SLC6A9: variants seen among roughly 807,000 people sequenced by gnomAD.
The protein encoded by SLC6A9 is sodium- and chloride-dependent glycine transporter 1.
SLC6A9 carries 31 observed loss-of-function variants against 70.9 expected under a neutral mutation model. The ratio of observed to expected loss-of-function variants is 0.44; its 90% CI spans 0.33 to 0.59. The LOEUF (loss-of-function observed/expected upper bound fraction) is 0.59, where lower values mean the gene tolerates loss of function less well. SLC6A9 is among the 20% of genes least tolerant of loss of function. The pLI, the probability that SLC6A9 is intolerant of heterozygous loss-of-function variation, is 0.04. For synonymous variants in SLC6A9, 310 were observed against 341.3 expected (o/e 0.91, Z 1.01); for missense variants, 631 against 845.2 (o/e 0.75, Z 3.14).
At chr1:44,003,474 T>C (rs1415832573) in intron 5 of SLC6A9, among the ~76,000 whole-genome samples, 1 of 152,216 alleles carries the variant, frequency 6.6e-6, no homozygotes, top group East Asian at 1.9e-4. Flanking sequence ...GATTGGACCC[T>C]GGCTGGGTGT....
chr1:44,024,407 C>T (rs568685502), intron 1 of SLC6A9, 45 bp from the exon 2 acceptor site: 1 of 1,170,024 alleles, frequency 8.5e-7, no homozygotes, highest in East Asian at 2.3e-5. Flanking sequence ...GCCGTGTGGC[C>T]CACAGGGCTC....
intron 2 of SLC6A9, among the ~76,000 whole-genome samples, chr1:44,021,234 C>T (rs965957757): frequency 6.6e-6 from 1 of 152,134 alleles, no homozygotes; most frequent in Non-Finnish European, 1.5e-5. Context: ...CCCCTAGTGC[C>T]CCCAAGCATC....
Position 44,002,842 on chromosome 1 carries a change from G to A in SLC6A9, c.723+11C>T, listed in dbSNP as rs2086170177. On this transcript the variant is annotated intron_variant, in intron 6 of 13. Transcript: ENST00000372310. This position sits in a 1 kb window ranked among gnomAD's most constrained non-coding sequence, Gnocchi z 5.5. ...GGGTGGGCACAGACCCTGCTGGGGA[G>A]GGGTACTTGCTTTCCCTGAAGACTT... 2 of 1,613,996 alleles carry A rather than the reference G, an allele frequency of 1.2e-6. No homozygotes were observed. Among genetic ancestry groups the A allele is most frequent in the Non-Finnish European group, 1.7e-6 (2 of 1,179,964 alleles).
At position 44,002,820 on chromosome 1, in the gene SLC6A9, T is replaced by G. The variant is rs772017602; in HGVS notation, c.723+33A>C. The stretch of plus-strand genomic sequence containing the variant: ...AGGTAGGGGGCAGGGTCTTTCTGGG[T>G]GGGCACAGACCCTGCTGGGGAGGGG... On this transcript the variant is annotated intron_variant, in intron 6 of 13. Coordinates refer to ENST00000372310, the MANE Select transcript of SLC6A9 (RefSeq NM_001024845.3). The surrounding 1 kb of genome is among the most constrained non-coding windows in gnomAD (Gnocchi z 5.5). 1 of 1,612,942 alleles carries G rather than the reference T, an allele frequency of 6.2e-7. No individual in the cohort carries two copies. Among genetic ancestry groups the G allele is most frequent in the Non-Finnish European group, 8.5e-7 (1 of 1,179,274 alleles).
chr1:44,031,136 T>C (rs2087108834), intron 1 of SLC6A9, among the ~76,000 whole-genome samples, 170 bp downstream of exon 1: 1 of 151,296 alleles, frequency 6.6e-6, no homozygotes, highest in African/African-American at 2.4e-5. Flanking sequence ...ACCCACACTC[T>C]TACCCACAGA....
intron 4 of SLC6A9, 23 bp from the exon 5 acceptor site, chr1:44,008,646 G>A (rs201387143): frequency 6.2e-7 from 1 of 1,605,286 alleles, no homozygotes; most frequent in Non-Finnish European, 8.5e-7. Context: ...AGGGGTGGGG[G>A]GAGGAGCCTC....
intron 4 of SLC6A9, among the ~76,000 whole-genome samples, chr1:44,009,498 CA>C (rs1401438518): frequency 6.6e-6 from 1 of 152,218 alleles, no homozygotes; most frequent in Non-Finnish European, 1.5e-5. Flanking sequence ...GCTGGGATTA[CA>C]GGGGTAAGCC....
Position 44,002,632 on chromosome 1 carries a change from C to T in SLC6A9, c.738G>A (p.Thr246=), listed in dbSNP as rs1426686992. The T allele has an allele frequency of 9.9e-6, 16 of 1,614,108 alleles. No homozygotes were observed. The highest frequency in any genetic ancestry group is 2.2e-5 in the South Asian group (2 of 91,080). ...TCAGCACCACGTAGGGGAACGTGGC[C>T]GTGAAGTACACCACCTGGCACAAGA... is the stretch of plus-strand genomic sequence containing the variant. ...VKSSGKVVYF[T]ATFPYVVLTI... is the part of the protein sequence containing the mutation. The change falls in exon 7 of 14, where the codon ACG becomes ACA. Residue 246 remains threonine, a synonymous_variant. Coordinates refer to ENST00000372310, the MANE Select transcript of SLC6A9 (RefSeq NM_001024845.3). This position sits in a 1 kb window ranked among gnomAD's most constrained non-coding sequence, Gnocchi z 5.5.
At chr1:44,004,152 G>A (rs1012857635) in intron 5 of SLC6A9, among the ~76,000 whole-genome samples, 1 of 151,596 alleles carries the variant, frequency 6.6e-6, no homozygotes, top group Admixed American at 6.6e-5. Flanking sequence ...GCACCAATAC[G>A]CTGGGCTAAT....
In SLC6A9 at chr1:44,002,824, C is replaced by T. The variant is rs775600383; in HGVS notation, c.723+29G>A. 51 of 1,613,328 alleles carry T rather than the reference C, an allele frequency of 3.2e-5. No individual in the cohort carries two copies. The highest frequency in any genetic ancestry group is 7.6e-6 in the Non-Finnish European group (9 of 1,179,612). ...AGGGGGCAGGGTCTTTCTGGGTGGGCACAGACCCTGCTGGGGAGGGGTACT... is the reference window on the plus strand; with the variant it reads ...AGGGGGCAGGGTCTTTCTGGGTGGGTACAGACCCTGCTGGGGAGGGGTACT... On this transcript the variant is annotated intron_variant, in intron 6 of 13. Transcript: ENST00000372310. This position sits in a 1 kb window ranked among gnomAD's most constrained non-coding sequence, Gnocchi z 5.5.
chr1:44,003,129 G>A (rs1298057334), intron 5 of SLC6A9, 144 bp from the exon 6 acceptor site: 2 of 975,648 alleles, frequency 2.0e-6, no homozygotes, highest in Non-Finnish European at 3.1e-6. Flanking sequence ...CTACTTCAGG[G>A]GCCCAGCCCT....
intron 12 of SLC6A9, among the ~76,000 whole-genome samples, chr1:43,999,992 G>A (rs2086031291): frequency 6.6e-6 from 1 of 152,230 alleles, no homozygotes. Context: ...TTTCTAGTGT[G>A]GCGCTGGCCC....
At chr1:44,026,598 G>A (rs938312653) in intron 1 of SLC6A9, among the ~76,000 whole-genome samples, 2 of 151,826 alleles carry the variant, frequency 1.3e-5, no homozygotes. Flanking sequence ...GGCAGAGATT[G>A]CAGTGAGCCG....
At position 44,001,587 on chromosome 1, in the gene SLC6A9, C is replaced by A. The variant is rs149105213; in HGVS notation, c.1003G>T (p.Val335Phe). ...GAGAAGATGACGAAGCCAGCATAGA[C>A]GCTGGTGGCACAGTTGGTGATGCTG... ...IISITNCATS[V>F]YAGFVIFSIL... Residue 335 changes from valine (V) to phenylalanine (F), a missense_variant, in exon 9 of 14, where the codon GTC becomes TTC. Val to Phe is a conservative substitution (Grantham distance 50). Transcript: ENST00000372310. The A allele has an allele frequency of 2.5e-6, 4 of 1,614,038 alleles. No homozygotes were observed. The East Asian group carries it at 8.9e-5, about 36-fold the overall frequency.
intron 1 of SLC6A9, among the ~76,000 whole-genome samples, chr1:44,028,363 C>A (rs2087019949): frequency 6.6e-6 from 1 of 152,150 alleles, no homozygotes; most frequent in Non-Finnish European, 1.5e-5. Flanking sequence ...CAAGGAGGAG[C>A]CATTGGTGGA....
intron 5 of SLC6A9, among the ~76,000 whole-genome samples, chr1:44,004,923 C>G (rs1450773748): frequency 2.6e-5 from 4 of 152,224 alleles, no homozygotes; most frequent in Non-Finnish European, 5.9e-5. Flanking sequence ...AATCTTATTT[C>G]CCCGGCCAGG....
chr1:44,003,065 G>C, intron 5 of SLC6A9, 80 bp from the exon 6 acceptor site: 1 of 1,538,660 alleles, frequency 6.5e-7, no homozygotes, highest in Non-Finnish European at 8.9e-7. Context: ...GCCCACCCGG[G>C]CTGTACCCTC....
At position 44,000,787 on chromosome 1, in the gene SLC6A9, C is replaced by T. The variant is rs533372781; in HGVS notation, c.1516G>A (p.Val506Ile). 10 of 1,609,062 alleles carry T rather than the reference C, an allele frequency of 6.2e-6. No homozygotes were observed. Among genetic ancestry groups the T allele is most frequent in the African/African-American group, 5.3e-5 (4 of 74,872 alleles). The change falls in exon 12 of 14, where the codon GTC becomes ATC. Residue 506 changes from valine (V) to isoleucine (I), a missense_variant. Physicochemically the swap from Val to Ile is conservative, Grantham distance 29 (BLOSUM62 3). Transcript: ENST00000372310. ...CTCACGAAGATGATGGCGGGAGAGA[C>T]GAAGCGCCAGCAGATCTGAAAGAAG... ...PLFFQICWRF[V>I]SPAIIFFILV...
chr1:44,002,397 G>A lies in SLC6A9; in HGVS notation c.878C>T (p.Ser293Phe), dbSNP rs1474199075. ...GCAGCCCAGTGAGTAGAAGATCTGGGAGGCAGCATCACCCCACACCTGCAG... is the reference window on the plus strand; with the variant it reads ...GCAGCCCAGTGAGTAGAAGATCTGGAAGGCAGCATCACCCCACACCTGCAG... Reference protein sequence around the residue: ...LEAKVWGDAASQIFYSLGCAW... With the variant: ...LEAKVWGDAAFQIFYSLGCAW... The change falls in exon 8 of 14, where the codon TCC becomes TTC. Residue 293 changes from serine (S) to phenylalanine (F), a missense_variant. Transcript: ENST00000372310. The surrounding 1 kb of genome is among the most constrained non-coding windows in gnomAD (Gnocchi z 5.5). The A allele has an allele frequency of 6.2e-7, 1 of 1,614,140 alleles. No homozygotes were observed.
Sources: gnomAD v4.1 joint callset for allele counts (sites outside exome capture counted in the v4.1 genomes callset) on GRCh38, gnomAD v4.1.1 for gene constraint, Gnocchi (gnomAD v3.1) non-coding constraint, MANE v1.5 for transcripts, NCBI Gene and HGNC (gene_info 2026-07-23, HGNC 2026-07-21) for gene names.